The following DPYD variants were observed in gnomAD, a reference collection of about 807,000 sequenced individuals.
The protein encoded by DPYD is dihydropyrimidine dehydrogenase [NADP(+)].
A neutral mutation model predicts 116.2 loss-of-function variants in DPYD; 109 were observed. The ratio of observed to expected loss-of-function variants is 0.94; its 90% CI spans 0.80 to 1.10. DPYD has a LOEUF of 1.10. DPYD is among the 50% of genes least tolerant of loss of function. The probability of loss-of-function intolerance (pLI) is 0.00; values close to 1 mark genes in which losing one functional copy is unlikely to be tolerated. For missense variants in DPYD, 1,302 were observed against 1,254.5 expected (o/e 1.04, Z -0.57); for synonymous variants, 440 against 432.0 (o/e 1.02, Z -0.23).
Position 97,078,732 on chromosome 1 carries a change from T to G in DPYD, c.*244A>C, listed in dbSNP as rs1648953708. On this transcript the variant is annotated 3_prime_UTR_variant, in exon 23 of 23. Transcript: ENST00000370192. Reference sequence around the variant, plus strand: ...AACTGGCAGTGAACATCCAATTAACTGCCACACAGTTATTTAACTACTATC... The same window carrying G: ...AACTGGCAGTGAACATCCAATTAACGGCCACACAGTTATTTAACTACTATC... The G allele has an allele frequency of 2.0e-6, 1 of 496,566 alleles. No individual in the cohort carries two copies. Among genetic ancestry groups the G allele is most frequent in the Admixed American group, 3.3e-5 (1 of 30,444 alleles). The allele number at this position is 496,566 out of a possible 1,614,324, so 30.8% of individuals were successfully genotyped here. A position where few individuals can be genotyped will look rare whatever the true frequency, so the allele number is the denominator to read the frequency against.
chr1:97,532,426 C>T (rs889814999), intron 12 of DPYD, among the ~76,000 whole-genome samples: 2 of 152,076 alleles, frequency 1.3e-5, no homozygotes, highest in African/African-American at 2.4e-5. Flanking sequence ...TACTCTTCTA[C>T]TTTTTACAAG....
rs771890504 is a variant in DPYD at position 97,098,484 on chromosome 1, T to C, written c.2766+5A>G. On this transcript the variant is annotated splice_donor_5th_base_variant and intron_variant, in intron 21 of 22. Transcript: ENST00000370192. Reference sequence around the variant, plus strand: ...GCATACTTATATAGTTGGCATAATTTTTACCTTGATGGTAGGAATAGGCCT... The same window carrying C: ...GCATACTTATATAGTTGGCATAATTCTTACCTTGATGGTAGGAATAGGCCT... The C allele has an allele frequency of 6.2e-7, 1 of 1,612,502 alleles. No homozygotes were observed. Among genetic ancestry groups the C allele is most frequent in the Non-Finnish European group, 8.5e-7 (1 of 1,179,060 alleles).
chr1:97,088,550 G>A (rs1165866759), intron 21 of DPYD, among the ~76,000 whole-genome samples: 3 of 152,010 alleles, frequency 2.0e-5, no homozygotes, highest in Non-Finnish European at 2.9e-5. Context: ...TAACCATCTG[G>A]TTACAAGGTC....
intron 10 of DPYD, among the ~76,000 whole-genome samples, chr1:97,587,577 G>A (rs1654216675): frequency 1.3e-5 from 2 of 152,038 alleles, no homozygotes; most frequent in Non-Finnish European, 1.5e-5. Context: ...GGTAATCCCC[G>A]CACTTTGGGA....
At chr1:97,371,430 C>A (rs1046091721) in intron 16 of DPYD, among the ~76,000 whole-genome samples, 1 of 152,144 alleles carries the variant, frequency 6.6e-6, no homozygotes, top group East Asian at 1.9e-4. Flanking sequence ...AGTCCCCCAC[C>A]ACTGAGTATA....
intron 16 of DPYD, among the ~76,000 whole-genome samples, chr1:97,336,560 C>T (rs1320516176): frequency 6.6e-6 from 1 of 152,112 alleles, no homozygotes; most frequent in Non-Finnish European, 1.5e-5. Context: ...ACCAGCCTGG[C>T]CAACAAGGCA....
At chr1:97,671,258 C>T (rs921449242) in intron 8 of DPYD, among the ~76,000 whole-genome samples, 6 of 151,972 alleles carry the variant, frequency 3.9e-5, no homozygotes, top group South Asian at 2.1e-4. Flanking sequence ...AAGACTTCTA[C>T]GAGTAGAAAA....
intron 8 of DPYD, among the ~76,000 whole-genome samples, chr1:97,671,950 T>A (rs377471579): frequency 4.6e-4 from 68 of 148,834 alleles, no homozygotes; most frequent in East Asian, 2.5e-3. Context: ...TCTATTATTT[T>A]TTTTTTTTTT....
At chr1:97,318,556 T>C (rs957078001) in intron 16 of DPYD, among the ~76,000 whole-genome samples, 2 of 151,942 alleles carry the variant, frequency 1.3e-5, no homozygotes, top group African/African-American at 2.4e-5. Context: ...ATGCAACCAA[T>C]ACAGGAGCAC....
chr1:97,139,683 T>C (rs1031183130), intron 20 of DPYD, among the ~76,000 whole-genome samples: 1 of 152,174 alleles, frequency 6.6e-6, no homozygotes, highest in Non-Finnish European at 1.5e-5. Context: ...ATTATTGTAA[T>C]AGGATGTCAT....
rs114702597 is a variant in DPYD at position 97,276,270 on chromosome 1, A to T, written c.2299+28989T>A. ...TTTAAATCTTATGACTAAGTTCTCA[A>T]AAGCAATTGCAACAACAACAAAAAT... On this transcript the variant is annotated intron_variant, in intron 18 of 22. Coordinates refer to ENST00000370192, the MANE Select transcript of DPYD (RefSeq NM_000110.4). Among the ~76,000 whole-genome samples the T allele has an allele frequency of 6.9e-3, 1,054 of 152,254 alleles. 22 individuals carry two copies. Among genetic ancestry groups the T allele is most frequent in the African/African-American group, 0.024 (993 of 41,556 alleles).
intron 14 of DPYD, among the ~76,000 whole-genome samples, chr1:97,433,928 A>G (rs1021964183): frequency 6.6e-6 from 1 of 152,090 alleles, no homozygotes; most frequent in South Asian, 2.1e-4. Flanking sequence ...TTAAAAACTT[A>G]TTGTACACGT....
At chr1:97,296,563 TA>T (rs1666542994) in intron 18 of DPYD, among the ~76,000 whole-genome samples, 1 of 152,156 alleles carries the variant, frequency 6.6e-6, no homozygotes, top group African/African-American at 2.4e-5. Context: ...TTATTTTGAA[TA>T]ATTGTCAATA....
Position 97,305,337 on chromosome 1 carries a change from G to C in DPYD, c.2221C>G (p.Leu741Val), listed in dbSNP as rs767547827. Residue 741 changes from leucine to valine, a missense_variant, in exon 18 of 23, where the codon CTG becomes GTG. By Grantham distance (32) the Leu-to-Val change is conservative. Coordinates refer to ENST00000370192, the MANE Select transcript of DPYD (RefSeq NM_000110.4). Reference protein sequence around the residue: ...GVTATNTVSGLMGLKSDGTPW... With the variant: ...GVTATNTVSGVMGLKSDGTPW... ...GTGCCATCAGATTTTAATCCCATCA[G>C]ACCTGAGACAGTGTTGGTGGCTGTA... 8.1e-6 allele frequency: 13 copies of C among 1,612,406 alleles called. No individual in the cohort carries two copies. The South Asian group carries it at 1.4e-4, about 18-fold the overall frequency.
In DPYD at chr1:97,098,586, A is replaced by G; in HGVS notation, c.2669T>C (p.Ile890Thr). The G allele has an allele frequency of 2.5e-6, 4 of 1,613,154 alleles. No individual in the cohort carries two copies. Among genetic ancestry groups the G allele is most frequent in the South Asian group, 1.1e-5 (1 of 91,070 alleles). ...GPYLEQRKKI[I>T]AENKIRLKEQ... ...TTTCAGTCTAATCTTGTTTTCTGCT[A>G]TGATTTTCTTGCGCTGTTCCAGATA... is the stretch of plus-strand genomic sequence containing the variant. The change falls in exon 21 of 23, where the codon ATA (isoleucine) becomes ACA (threonine). Residue 890 changes from isoleucine (I) to threonine (T), a missense_variant. Ile to Thr is a moderately conservative substitution (Grantham distance 89). Transcript: ENST00000370192.
intron 18 of DPYD, among the ~76,000 whole-genome samples, chr1:97,264,326 C>T (rs576601882): frequency 2.0e-5 from 3 of 151,518 alleles, no homozygotes; most frequent in Admixed American, 6.6e-5. Context: ...CCATGCCTGG[C>T]TAGTATTTTT....
chr1:97,372,558 A>T (rs1161068995), intron 16 of DPYD, among the ~76,000 whole-genome samples: 2 of 152,200 alleles, frequency 1.3e-5, no homozygotes, highest in African/African-American at 2.4e-5. Context: ...TTGTTGTTAC[A>T]TAAAAATGGT....
intron 8 of DPYD, among the ~76,000 whole-genome samples, chr1:97,674,658 TA>T (rs547677002): frequency 3.2e-3 from 457 of 141,366 alleles, no homozygotes; most frequent in African/African-American, 3.9e-3. Context: ...CACAGAACTT[TA>T]AAAAAAAAAA....
At chr1:97,899,087 G>A (rs1047968353) in intron 1 of DPYD, among the ~76,000 whole-genome samples, 1 of 151,512 alleles carries the variant, frequency 6.6e-6, no homozygotes, top group African/African-American at 2.4e-5. Flanking sequence ...TGTCAGACAA[G>A]AGTGTTTTGT....
Sources: gnomAD v4.1 joint callset for allele counts (sites outside exome capture counted in the v4.1 genomes callset) on GRCh38, gnomAD v4.1.1 for gene constraint, MANE v1.5 for transcripts, NCBI Gene and HGNC (gene_info 2026-07-23, HGNC 2026-07-21) for gene names.